PTPRD: variants seen among roughly 807,000 people sequenced by gnomAD.
The protein encoded by PTPRD is receptor-type tyrosine-protein phosphatase delta.
In PTPRD, 34 loss-of-function variants were observed where a neutral mutation model predicts 214.5. That is an observed-to-expected ratio of 0.16 (90% CI 0.12 to 0.21). The LOEUF is 0.21. PTPRD is among the 10% of genes least tolerant of loss of function. The pLI is 1.00. For synonymous variants in PTPRD, 1,128 were observed against 845.7 expected, an observed-to-expected ratio of 1.33 and a Z score of -5.79; for missense variants, 2,545 against 2,398.7, an observed-to-expected ratio of 1.06 and a Z score of -1.27.
At chr9:9,081,902 C>T (rs557855549) in intron 10 of PTPRD, among the ~76,000 whole-genome samples, 15 of 150,350 alleles carry the variant, frequency 1.0e-4, no homozygotes, top group African/African-American at 2.7e-4. Flanking sequence ...TGTCTTTGCA[C>T]GTGAGGTGGG....
intron 9 of PTPRD, among the ~76,000 whole-genome samples, chr9:9,308,535 G>C (rs547341829): frequency 1.3e-5 from 2 of 152,038 alleles, no homozygotes; most frequent in Non-Finnish European, 2.9e-5. Flanking sequence ...TTCACTTTTT[G>C]TGATTCTTCA....
At chr9:10,164,439 C>T (rs1214451944) in intron 3 of PTPRD, among the ~76,000 whole-genome samples, 1 of 151,392 alleles carries the variant, frequency 6.6e-6, no homozygotes, top group Admixed American at 6.6e-5. Flanking sequence ...TGCATTACAG[C>T]CAATGTCTTT....
rs182285653 is a variant in PTPRD at position 10,529,615 on chromosome 9, G to A, written c.-600+82783C>T. Among the ~76,000 whole-genome samples, 277 of 152,000 alleles carry A rather than the reference G, an allele frequency of 1.8e-3. 2 individuals are homozygous for A. Among genetic ancestry groups the A allele is most frequent in the Middle Eastern group, 0.01 (3 of 294 alleles). ...GATAGCATTAGGAGAAATACCTAAT[G>A]TAGATGATGGCTTGATGGGTGCAGC... On this transcript the variant is annotated intron_variant, in intron 2 of 45. Transcript: ENST00000381196.
intron 9 of PTPRD, among the ~76,000 whole-genome samples, chr9:9,302,660 C>T (rs1955842184): frequency 6.9e-6 from 1 of 144,950 alleles, no homozygotes; most frequent in African/African-American, 2.5e-5. Context: ...CATTCTCCCA[C>T]TGACTTTCAT....
At chr9:10,296,980 C>A (rs993773884) in intron 3 of PTPRD, among the ~76,000 whole-genome samples, 11 of 151,468 alleles carry the variant, frequency 7.3e-5, no homozygotes, top group Admixed American at 1.3e-4. Flanking sequence ...TTTGACAATG[C>A]CCATCCACTT....
intron 2 of PTPRD, among the ~76,000 whole-genome samples, chr9:10,518,311 T>C (rs1222929846): frequency 6.6e-6 from 1 of 152,194 alleles, no homozygotes; most frequent in Non-Finnish European, 1.5e-5. Context: ...CGTATGGTTG[T>C]ACATCTCACT....
intron 8 of PTPRD, among the ~76,000 whole-genome samples, chr9:9,403,667 ATTTATTAATTTT>A (rs1276396576): frequency 6.6e-6 from 1 of 152,116 alleles, no homozygotes; most frequent in Admixed American, 6.6e-5. Flanking sequence ...GAGTAAGATA[ATTTATTAATTTT>A]TTTATTAATT....
intron 5 of PTPRD, among the ~76,000 whole-genome samples, chr9:9,795,328 G>A (rs889287230): frequency 1.3e-5 from 2 of 151,950 alleles, no homozygotes; most frequent in East Asian, 3.9e-4. Context: ...AAAGTTTTTA[G>A]GAATACTATC....
intron 8 of PTPRD, among the ~76,000 whole-genome samples, chr9:9,465,054 A>G (rs1214913007): frequency 6.6e-6 from 1 of 152,212 alleles, no homozygotes; most frequent in Non-Finnish European, 1.5e-5. Context: ...ATTTACAAAT[A>G]TTACTGGCTA....
intron 11 of PTPRD, among the ~76,000 whole-genome samples, chr9:8,765,897 C>T (rs2094700511): frequency 6.6e-6 from 1 of 152,114 alleles, no homozygotes; most frequent in Admixed American, 6.5e-5. Context: ...CTCATTTCTT[C>T]ATCTATACAA....
chr9:9,021,724 A>T (rs1247656134), intron 10 of PTPRD, among the ~76,000 whole-genome samples: 2 of 152,070 alleles, frequency 1.3e-5, no homozygotes, highest in Admixed American at 1.3e-4. Context: ...GGCCTAGACT[A>T]ATGTGTGTGT....
intron 10 of PTPRD, among the ~76,000 whole-genome samples, chr9:9,144,647 G>A (rs1039866487): frequency 1.3e-5 from 2 of 152,048 alleles, no homozygotes; most frequent in Non-Finnish European, 2.9e-5. Context: ...CAGCTACTCC[G>A]GAGGTTGAAG....
At position 9,885,162 on chromosome 9, in the gene PTPRD, C is replaced by T. The variant is rs944283058; in HGVS notation, c.-368+53345G>A. On this transcript the variant is annotated intron_variant, in intron 5 of 45. Transcript: ENST00000381196. ...GAGAGCTTAAGGTACTGCATGGTTT[C>T]CTCTAGCTACTTATGATATAAAAAG... 2.0e-5 allele frequency among the ~76,000 whole-genome samples: 3 copies of T among 151,716 alleles called. No homozygotes were observed. In the East Asian group the frequency reaches 5.8e-4, roughly 29 times the overall value.
chr9:9,606,423 T>C (rs1295594360), intron 7 of PTPRD, among the ~76,000 whole-genome samples: 1 of 152,090 alleles, frequency 6.6e-6, no homozygotes, highest in East Asian at 1.9e-4. Flanking sequence ...TTGTTAACTA[T>C]AATTAGCTTT....
intron 9 of PTPRD, among the ~76,000 whole-genome samples, chr9:9,394,206 G>T (rs1246648190): frequency 1.3e-5 from 2 of 152,096 alleles, no homozygotes; most frequent in African/African-American, 4.8e-5. Context: ...GAAAGCAAAT[G>T]GAATGGCTAT....
chr9:10,453,932 T>A (rs2098878543), intron 2 of PTPRD, among the ~76,000 whole-genome samples: 1 of 151,654 alleles, frequency 6.6e-6, no homozygotes. Flanking sequence ...AGCTGTAGGC[T>A]TGTCATATAT....
chr9:9,415,350 T>C (rs576213127), intron 8 of PTPRD, among the ~76,000 whole-genome samples: 1 of 152,210 alleles, frequency 6.6e-6, no homozygotes, highest in South Asian at 2.1e-4. Context: ...GGCATGTGTC[T>C]GTAATCCCAG....
chr9:8,791,519 C>G (rs1008592980), intron 11 of PTPRD, among the ~76,000 whole-genome samples: 5 of 141,954 alleles, frequency 3.5e-5, no homozygotes, highest in Non-Finnish European at 7.5e-5. Flanking sequence ...CCACCATGCC[C>G]AGACTTTTTT....
intron 14 of PTPRD, among the ~76,000 whole-genome samples, chr9:8,612,756 T>A (rs2095494461): frequency 6.6e-6 from 1 of 152,222 alleles, no homozygotes; most frequent in Non-Finnish European, 1.5e-5. Context: ...ACCACCCACA[T>A]ACAAGTGGTA....
Sources: gnomAD v4.1 joint callset for allele counts (sites outside exome capture counted in the v4.1 genomes callset) on GRCh38, gnomAD v4.1.1 for gene constraint, MANE v1.5 for transcripts, NCBI Gene and HGNC (gene_info 2026-07-23, HGNC 2026-07-21) for gene names.